The following CYLC2 variants were observed in gnomAD, a reference collection of about 807,000 sequenced individuals.
CYLC2 encodes cylicin-2.
In CYLC2, 30 loss-of-function variants were observed where a neutral mutation model predicts 26.1. The observed-to-expected ratio is 1.15, with a 90% CI of 0.86 to 1.56. The LOEUF is 1.56. Ranked by LOEUF, CYLC2 falls within the 40% of genes most tolerant of loss-of-function variation. CYLC2 has a pLI of 0.00. For missense variants in CYLC2, 498 were observed against 394.4 expected (o/e 1.26, Z -2.23); for synonymous variants, 158 against 132.8 (o/e 1.19, Z -1.31).
intron 5 of CYLC2, among the ~76,000 whole-genome samples, chr9:103,011,781 T>C (rs752415843): frequency 2.0e-5 from 3 of 151,936 alleles, no homozygotes; most frequent in Admixed American, 6.6e-5. Flanking sequence ...TATGCAAGTG[T>C]TGTAGCTATT....
In CYLC2 at chr9:103,003,177, C is replaced by A. The variant is rs1179184446; in HGVS notation, c.94C>A (p.His32Asn). ...ELSKKSWNQQ[H>N]FALLFPKPQR... The stretch of plus-strand genomic sequence containing the variant: ...AAGCAAAAAATCATGGAATCAGCAA[C>A]ACTTTGCCCTGTTATTTCCCAAACC... The change falls in exon 3 of 8, where the codon CAC becomes AAC. Residue 32 changes from histidine (H) to asparagine (N), a missense_variant. Transcript: ENST00000374798. The A allele has an allele frequency of 6.2e-7, 1 of 1,613,686 alleles. No individual in the cohort carries two copies. Among genetic ancestry groups the A allele is most frequent in the South Asian group, 1.1e-5 (1 of 91,080 alleles).
intron 5 of CYLC2, 77 bp downstream of exon 5, chr9:103,006,455 C>A (rs1306541947): frequency 2.7e-5 from 4 of 150,786 alleles, no homozygotes; most frequent in Non-Finnish European, 4.4e-5. Flanking sequence ...TCTCTGTCGC[C>A]CAGGCTGGAG....
At chr9:103,017,183 G>T (rs932669776) in intron 7 of CYLC2, among the ~76,000 whole-genome samples, 1 of 151,848 alleles carries the variant, frequency 6.6e-6, no homozygotes, top group African/African-American at 2.4e-5. Context: ...AGGAGAATGG[G>T]ATTTCAAAAG....
chr9:103,013,942 TATA>T (rs1303920844), intron 6 of CYLC2, among the ~76,000 whole-genome samples: 4 of 94,592 alleles, frequency 4.2e-5, no homozygotes, highest in Non-Finnish European at 6.2e-5. Context: ...TATTATTTAA[TATA>T]ATACTATATA....
rs185998342 is a variant in CYLC2, at chr9:103,005,619, G to C, written c.988G>C (p.Asp330His). The change falls in exon 5 of 8, where the codon GAT (aspartate) becomes CAT (histidine). Residue 330 changes from aspartate (D) to histidine (H), a missense_variant. By Grantham distance (81) the Asp-to-His change is moderately conservative. Transcript: ENST00000374798. ...KKNAKKDAKK[D>H]AKKNAKKDEK... The stretch of plus-strand genomic sequence containing the variant: ...AAATGCTAAGAAGGATGCAAAGAAG[G>C]ATGCAAAGAAGAATGCAAAGAAGGA... 153 of 1,610,962 alleles carry C rather than the reference G, an allele frequency of 9.5e-5. No homozygotes were observed. In the Middle Eastern group the frequency reaches 3.0e-3, roughly 31 times the overall value.
chr9:103,013,312 T>A (rs1308077709), intron 6 of CYLC2, among the ~76,000 whole-genome samples: 1 of 90,784 alleles, frequency 1.1e-5, no homozygotes, highest in East Asian at 3.2e-4. Context: ...TGTTATATGT[T>A]TATATAACCT....
At chr9:103,008,684 A>G (rs758215162) in intron 5 of CYLC2, among the ~76,000 whole-genome samples, 16 of 152,102 alleles carry the variant, frequency 1.1e-4, no homozygotes, top group Non-Finnish European at 2.1e-4. Context: ...CACCCTGCCT[A>G]CTAGTAGTAA....
intron 6 of CYLC2, among the ~76,000 whole-genome samples, chr9:103,014,727 TATACGTATGTATATTATGCAATATAC>T (rs1829474264): frequency 1.0e-5 from 1 of 98,064 alleles, no homozygotes; most frequent in African/African-American, 3.8e-5. Flanking sequence ...ACATATGTAA[TATACGTATGTATATTATGCAATATAC>T]ATATGTAATA....
At chr9:102,996,264 G>C (rs960535523) in intron 1 of CYLC2, among the ~76,000 whole-genome samples, 2 of 151,900 alleles carry the variant, frequency 1.3e-5, no homozygotes, top group African/African-American at 2.4e-5. Flanking sequence ...TGAGTAAATT[G>C]ATGCCTACTA....
Position 103,005,808 on chromosome 9 carries a change from T to C in CYLC2, c.*130T>C. ...GAATTAAATAATTTTTAAAAGGTGG[T>C]AAAGAAGGATACAAAGGAGAACTCA... On this transcript the variant is annotated 3_prime_UTR_variant, in exon 5 of 8. Transcript: ENST00000374798. 1 of 1,017,912 alleles carries C rather than the reference T, an allele frequency of 9.8e-7. No individual in the cohort carries two copies. Among genetic ancestry groups the C allele is most frequent in the Non-Finnish European group, 1.4e-6 (1 of 691,070 alleles). 63.1% of individuals were successfully genotyped at this position (1,017,912 alleles called of 1,614,324 possible).
chr9:103,006,562 G>A (rs960307275), intron 5 of CYLC2, among the ~76,000 whole-genome samples, 184 bp downstream of exon 5: 18 of 151,946 alleles, frequency 1.2e-4, no homozygotes, highest in Admixed American at 1.3e-4. Context: ...ACAGGCGCCT[G>A]CCACCAAGCC....
At chr9:103,009,486 G>T (rs1473349465) in intron 5 of CYLC2, among the ~76,000 whole-genome samples, 1 of 151,998 alleles carries the variant, frequency 6.6e-6, no homozygotes, top group African/African-American at 2.4e-5. Context: ...TTACAGGAAT[G>T]GTACTATCAG....
chr9:103,015,118 TA>T (rs1829483497), intron 6 of CYLC2, among the ~76,000 whole-genome samples: 1 of 66,056 alleles, frequency 1.5e-5, no homozygotes, highest in African/African-American at 5.7e-5. Flanking sequence ...ACATAACATG[TA>T]TATCACGTGA....
chr9:103,018,108 G>A (rs1422151873), intron 7 of CYLC2, among the ~76,000 whole-genome samples: 1 of 151,968 alleles, frequency 6.6e-6, no homozygotes, highest in Non-Finnish European at 1.5e-5. Context: ...TAATCACTCA[G>A]AAACCTAAGG....
intron 6 of CYLC2, among the ~76,000 whole-genome samples, chr9:103,013,967 T>C (rs1472413958): frequency 3.1e-5 from 3 of 97,330 alleles, no homozygotes; most frequent in Non-Finnish European, 4.0e-5. Context: ...TATATATTAT[T>C]ATATTATATA....
intron 7 of CYLC2, among the ~76,000 whole-genome samples, chr9:103,017,549 T>G (rs1384272010): frequency 6.6e-6 from 1 of 152,102 alleles, no homozygotes; most frequent in Non-Finnish European, 1.5e-5. Context: ...AACTTCTGTT[T>G]CATTTCCTCC....
chr9:103,004,800 A>C lies in CYLC2; in HGVS notation c.286A>C (p.Arg96=), dbSNP rs972184895. 13 of 1,612,590 alleles carry C rather than the reference A, an allele frequency of 8.1e-6. No homozygotes were observed. The highest frequency in any genetic ancestry group is 1.7e-5 in the Admixed American group (1 of 59,672). ...ACCATCTGTTTATTTAGCTGCCAGG[A>C]GGCAGCCTCTCAAACCAACTCGTAC... ...ERPSVYLAAR[R]QPLKPTRTVE... Residue 96 remains arginine, a synonymous_variant, in exon 4 of 8, where the codon AGG becomes CGG. Coordinates refer to ENST00000374798, the MANE Select transcript of CYLC2 (RefSeq NM_001340.5).
intron 6 of CYLC2, among the ~76,000 whole-genome samples, chr9:103,014,081 ATATT>A (rs1224539701): frequency 1.7e-5 from 2 of 118,764 alleles, no homozygotes; most frequent in African/African-American, 3.4e-5. Flanking sequence ...ATAAATTTAA[ATATT>A]TAATATATAA....
At chr9:102,995,471 G>T (rs1829228135) in intron 1 of CYLC2, 74 bp downstream of exon 1, 2 of 1,083,752 alleles carry the variant, frequency 1.8e-6, no homozygotes, top group African/African-American at 1.6e-5. Flanking sequence ...AGTATGAAGA[G>T]ATATTTATTA....
Sources: allele counts gnomAD v4.1 joint callset (sites outside exome capture counted in the v4.1 genomes callset), GRCh38; gene constraint gnomAD v4.1.1; transcripts MANE v1.5; gene names NCBI Gene and HGNC (gene_info 2026-07-23, HGNC 2026-07-21).